SMARCA4: variants seen among roughly 807,000 people sequenced by gnomAD.
The protein encoded by SMARCA4 is SWI/SNF related BAF chromatin remodeling complex subunit ATPase 4.
A neutral mutation model predicts 193.9 loss-of-function variants in SMARCA4; 31 were observed. The observed-to-expected ratio is 0.16, with a 90% CI of 0.12 to 0.22. The LOEUF (loss-of-function observed/expected upper bound fraction) is 0.22. Among genes scored for constraint, SMARCA4 ranks in the 10% least tolerant of loss-of-function variants. The pLI is 1.00. For synonymous variants in SMARCA4, 942 were observed against 933.1 expected, an observed-to-expected ratio of 1.01 and a Z score of -0.17; for missense variants, 1,148 against 2,296.0, an observed-to-expected ratio of 0.50 and a Z score of 10.22.
chr19:11,027,684 G>A, intron 23 of SMARCA4, 100 bp from the exon 24 acceptor site: 10 of 1,315,156 alleles, frequency 7.6e-6, no homozygotes, highest in South Asian at 2.4e-5. Context: ...TGAACCCGGC[G>A]CCTGGCCTGG....
In SMARCA4 at chr19:11,033,614, T is replaced by C; in HGVS notation, c.3774+97T>C. ...TTTTTACCTTTTTTGCACTCTTATT[T>C]TTTTTGCATCCCTTTGGAGTAAAGG... On this transcript the variant is annotated intron_variant, in intron 26 of 34. Coordinates refer to ENST00000344626, the MANE Select transcript of SMARCA4 (RefSeq NM_003072.5). This position sits in a 1 kb window ranked among gnomAD's most constrained non-coding sequence, Gnocchi z 9.8. 1 of 920,714 alleles carries C rather than the reference T, an allele frequency of 1.1e-6. No homozygotes were observed. The allele number at this position is 920,714 out of a possible 1,614,324, so 57.0% of individuals were successfully genotyped here. A position where few individuals can be genotyped will look rare whatever the true frequency, so the allele number is the denominator to read the frequency against.
chr19:11,040,189 T>G (rs1222256314), intron 29 of SMARCA4: 2 of 151,090 alleles, frequency 1.3e-5, no homozygotes, highest in Non-Finnish European at 3.0e-5. Flanking sequence ...GCAGGAGAAT[T>G]GCTTGAACCC....
rs534705500 is a variant in SMARCA4, at chr19:11,060,192, G to A, written c.4911+5G>A. 1.7e-5 allele frequency: 26 copies of A among 1,550,754 alleles called. No individual in the cohort carries two copies. The East Asian group carries it at 6.4e-4, about 38-fold the overall frequency. On this transcript the variant is annotated splice_donor_5th_base_variant and intron_variant, in intron 34 of 34. Coordinates refer to ENST00000344626, the MANE Select transcript of SMARCA4 (RefSeq NM_003072.5). ...AGTGAGGAGGAACAAGAGGAGGTGA[G>A]GCCGGGCCCCCGAGCAGGCAGAGCT...
rs148970517 is a variant in SMARCA4, at chr19:10,984,265, C to T, written c.114C>T (p.Ser38=). The T allele has an allele frequency of 2.5e-5, 40 of 1,611,346 alleles. No homozygotes were observed. The highest frequency in any genetic ancestry group is 4.5e-5 in the East Asian group (2 of 44,852). ...CTAGCCCGGGTCCCTCGCCGGGCTC[C>T]GCCCACAGCATGATGGGGCCCAGCC... ...LGPSPGPSPG[S]AHSMMGPSPG... Residue 38 remains serine, a synonymous_variant, in exon 2 of 35, where the codon TCC becomes TCT. Transcript: ENST00000344626. This position sits in a 1 kb window ranked among gnomAD's most constrained non-coding sequence, Gnocchi z 4.3.
Position 10,989,384 on chromosome 19 carries a change from T to C in SMARCA4, c.1186T>C (p.Leu396=). The C allele has an allele frequency of 6.2e-7, 1 of 1,614,166 alleles. No homozygotes were observed. The highest frequency in any genetic ancestry group is 8.5e-7 in the Non-Finnish European group (1 of 1,180,008). ...CCTTCCCGGGTCCCTGGCCGGGGAT[T>C]TGCGAACCAAAGCGACCATTGAGCT... is the stretch of plus-strand genomic sequence containing the variant. ...ENLPGSLAGD[L]RTKATIELKA... is the part of the protein sequence containing the mutation. The change falls in exon 7 of 35, where the codon TTG becomes CTG. Residue 396 remains leucine (L), a synonymous_variant. Transcript: ENST00000344626.
rs2146812439 is a variant in SMARCA4, at chr19:11,041,302, T to C, written c.4171-5T>C. 1 of 1,607,412 alleles carries C rather than the reference T, an allele frequency of 6.2e-7. No individual in the cohort carries two copies. Among genetic ancestry groups the C allele is most frequent in the Non-Finnish European group, 8.5e-7 (1 of 1,178,086 alleles). On this transcript the variant is annotated splice_polypyrimidine_tract_variant and splice_region_variant and intron_variant, in intron 29 of 34. Coordinates refer to ENST00000344626, the MANE Select transcript of SMARCA4 (RefSeq NM_003072.5). The surrounding 1 kb of genome is among the most constrained non-coding windows in gnomAD (Gnocchi z 5.6). ...TGTCCTATTTTACTACTATTGACCC[T>C]GAAGGCCATCGAGGAGGGCACGCTG...
intron 1 of SMARCA4, among the ~76,000 whole-genome samples, chr19:10,973,426 G>A (rs2084838994): frequency 6.6e-6 from 1 of 150,926 alleles, no homozygotes; most frequent in Non-Finnish European, 1.5e-5. Flanking sequence ...TTTTTGAGAC[G>A]GAGTCTCGCT....
At chr19:11,002,480 AAAAAATAAATAAAT>A (rs1325355067) in intron 11 of SMARCA4, among the ~76,000 whole-genome samples, 3 of 151,362 alleles carry the variant, frequency 2.0e-5, no homozygotes, top group African/African-American at 7.3e-5. Flanking sequence ...CTCCATCTCA[AAAAAATAAATAAAT>A]AAAAATAAAA....
intron 11 of SMARCA4, 152 bp downstream of exon 11, chr19:10,996,696 C>T (rs898501284): frequency 1.3e-5 from 10 of 753,216 alleles, no homozygotes; most frequent in South Asian, 4.4e-5. Context: ...CCATCCCACC[C>T]GACCCCACAT....
rs796149785 is a variant in SMARCA4 at position 11,062,034 on chromosome 19, TAAAG to T, written c.*220_*223del. ...GCATCTGTAACAGCATTAACTGTCT[TAAAG>T]AGAGAGAGAGAGAATTCCGAATTGG... On this transcript the variant is annotated 3_prime_UTR_variant, in exon 35 of 35. Transcript: ENST00000344626. The T allele has an allele frequency of 1.2e-4, 71 of 600,550 alleles. No individual in the cohort carries two copies. Among genetic ancestry groups the T allele is most frequent in the Middle Eastern group, 2.9e-4 (1 of 3,402 alleles). The allele number at this position is 600,550 out of a possible 1,614,324, so 37.2% of individuals were successfully genotyped here.
intron 7 of SMARCA4, among the ~76,000 whole-genome samples, chr19:10,989,997 C>T (rs2086415256): frequency 6.6e-6 from 1 of 151,404 alleles, no homozygotes; most frequent in African/African-American, 2.4e-5. Flanking sequence ...CACGTGCTGT[C>T]CTGCATGGGT....
At chr19:11,029,410 T>A (rs1054511923) in intron 24 of SMARCA4, among the ~76,000 whole-genome samples, 1 of 152,252 alleles carries the variant, frequency 6.6e-6, no homozygotes, top group East Asian at 1.9e-4. Context: ...TGTGATGTGG[T>A]CATGGCCACA....
intron 15 of SMARCA4, chr19:11,012,639 G>C: frequency 2.4e-6 from 1 of 415,984 alleles, no homozygotes; most frequent in South Asian, 2.1e-5. Flanking sequence ...CCTGTGTGCT[G>C]TGTGGGGCAT....
At chr19:10,974,666 C>CATATATATATATATATAT (rs1555744332) in intron 1 of SMARCA4, among the ~76,000 whole-genome samples, 7 of 30,474 alleles carry the variant, frequency 2.3e-4, no homozygotes, top group African/African-American at 6.2e-4. Flanking sequence ...GATTAACATG[C>CATATATATATATATATAT]ATATATATAT....
At chr19:11,053,186 A>G (rs796287986) in intron 30 of SMARCA4, among the ~76,000 whole-genome samples, 5 of 152,238 alleles carry the variant, frequency 3.3e-5, no homozygotes, top group African/African-American at 1.2e-4. Flanking sequence ...GGATCACCTG[A>G]GGTCAGGAGT....
In SMARCA4 at chr19:10,996,484, C is replaced by T. The variant is rs754221543; in HGVS notation, c.1762-10C>T. ...GGTCAGGGCCTGACCGTGTCTCTCTCTATTTCCAGAAGGCAGAAAATGCAG... is the reference window on the plus strand; with the variant it reads ...GGTCAGGGCCTGACCGTGTCTCTCTTTATTTCCAGAAGGCAGAAAATGCAG... On this transcript the variant is annotated splice_polypyrimidine_tract_variant and intron_variant, in intron 10 of 34. Coordinates refer to ENST00000344626, the MANE Select transcript of SMARCA4 (RefSeq NM_003072.5). 1 of 1,614,208 alleles carries T rather than the reference C, an allele frequency of 6.2e-7. No homozygotes were observed. The highest frequency in any genetic ancestry group is 1.1e-5 in the South Asian group (1 of 91,084).
In SMARCA4 at chr19:11,007,906, A is replaced by T. The variant is rs1600167346; in HGVS notation, c.2006A>T (p.Glu669Val). ...ESGSEEEEEE[E>V]EEEQPQAAQP... ...CATGGGCTTGTCTCTTGGTAGGAGG[A>T]GGAGGAAGAGCAGCCGCAGGCAGCA... Residue 669 changes from glutamate (E) to valine (V), a missense_variant, in exon 14 of 35, where the codon GAG becomes GTG. Glu to Val is a moderately radical substitution (Grantham distance 121). This residue lies in a region of SMARCA4 where 115 missense variants were observed against 175.1 expected (regional missense o/e 0.66). Transcript: ENST00000344626. The T allele has an allele frequency of 2.5e-6, 4 of 1,613,536 alleles. No individual in the cohort carries two copies. Among genetic ancestry groups the T allele is most frequent in the Non-Finnish European group, 3.4e-6 (4 of 1,179,754 alleles).
intron 7 of SMARCA4, 102 bp downstream of exon 7, chr19:10,989,545 T>A: frequency 7.2e-7 from 1 of 1,396,970 alleles, no homozygotes; most frequent in Non-Finnish European, 1.0e-6. Context: ...TACACCTGCC[T>A]GGGCTGTGAA....
intron 29 of SMARCA4, among the ~76,000 whole-genome samples, chr19:11,035,965 A>C (rs2075247736): frequency 6.6e-6 from 1 of 152,244 alleles, no homozygotes; most frequent in African/African-American, 2.4e-5. Context: ...GGCAGGTGGC[A>C]GCTTTTGGCT....
Sources: allele counts gnomAD v4.1 joint callset (sites outside exome capture counted in the v4.1 genomes callset), GRCh38; gene constraint gnomAD v4.1.1; regional missense constraint gnomAD v4.1.1; non-coding constraint Gnocchi (gnomAD v3.1); transcripts MANE v1.5; gene names NCBI Gene and HGNC (gene_info 2026-07-23, HGNC 2026-07-21).